RNF168: variants seen among roughly 807,000 people sequenced by gnomAD.
RNF168 encodes the protein ring finger protein 168.
A neutral mutation model predicts 34.9 loss-of-function variants in RNF168; 34 were observed. The ratio of observed to expected loss-of-function variants is 0.97; its 90% CI spans 0.74 to 1.30. The LOEUF (loss-of-function observed/expected upper bound fraction) is 1.30. Ranked by LOEUF, RNF168 falls within the 50% of genes most tolerant of loss-of-function variation. The probability of loss-of-function intolerance (pLI) is 0.00; values close to 1 mark genes in which losing one functional copy is unlikely to be tolerated. For synonymous variants in RNF168, 264 were observed against 254.7 expected, an observed-to-expected ratio of 1.04 and a Z score of -0.35; for missense variants, 725 against 682.5, an observed-to-expected ratio of 1.06 and a Z score of -0.69.
intron 1 of RNF168, among the ~76,000 whole-genome samples, chr3:196,501,360 T>C (rs548726732): frequency 1.1e-4 from 17 of 152,244 alleles, no homozygotes; most frequent in Admixed American, 4.6e-4. Context: ...ATGTAACAAG[T>C]ATATCCGTAA....
At chr3:196,496,213 G>C (rs760297219) in intron 1 of RNF168, among the ~76,000 whole-genome samples, 7 of 152,112 alleles carry the variant, frequency 4.6e-5, no homozygotes, top group Non-Finnish European at 1.0e-4. Context: ...CACAAATTGC[G>C]TGACTTGAAA....
Position 196,471,912 on chromosome 3 carries a change from T to C in RNF168, c.1623A>G (p.Arg541=). The C allele has an allele frequency of 6.2e-7, 1 of 1,613,876 alleles. No homozygotes were observed. The highest frequency in any genetic ancestry group is 1.1e-5 in the South Asian group (1 of 91,084). The change falls in exon 6 of 6, where the codon AGA becomes AGG. Residue 541 remains arginine, a synonymous_variant. Coordinates refer to ENST00000318037, the MANE Select transcript of RNF168 (RefSeq NM_152617.4). ...VNRRKMPNST[R]DHCKVSKSAH... ...CACTTTTGGATACCTTACAGTGATCTCTAGTAGAATTTGGCATCTTTCTTC... is the reference window on the plus strand; with the variant it reads ...CACTTTTGGATACCTTACAGTGATCCCTAGTAGAATTTGGCATCTTTCTTC...
At chr3:196,487,659 T>C in intron 2 of RNF168, 81 bp from the exon 3 acceptor site, 4 of 1,338,706 alleles carry the variant, frequency 3.0e-6, no homozygotes, top group South Asian at 2.4e-5. Flanking sequence ...AATAGAAAAG[T>C]AGAAAAAGAA....
chr3:196,492,060 T>C lies in RNF168; in HGVS notation c.302-3377A>G, dbSNP rs1165987851. Reference sequence around the variant, plus strand: ...GAGAAAGTTCAGAGATGAATGGTGGTGACGGCTGCACAAAAACATGAATGT... The same window carrying C: ...GAGAAAGTTCAGAGATGAATGGTGGCGACGGCTGCACAAAAACATGAATGT... On this transcript the variant is annotated intron_variant, in intron 1 of 5. Coordinates refer to ENST00000318037, the MANE Select transcript of RNF168 (RefSeq NM_152617.4). Among the ~76,000 whole-genome samples, 6 of 152,232 alleles carry C rather than the reference T, an allele frequency of 3.9e-5. No homozygotes were observed. The East Asian group carries it at 1.2e-3, about 29-fold the overall frequency.
chr3:196,475,276 T>G lies in RNF168; in HGVS notation c.717A>C (p.Ser239=). 1 of 1,611,908 alleles carries G rather than the reference T, an allele frequency of 6.2e-7. No individual in the cohort carries two copies. The highest frequency in any genetic ancestry group is 8.5e-7 in the Non-Finnish European group (1 of 1,177,984). Residue 239 remains serine (S), a synonymous_variant, in exon 5 of 6, where the codon TCA becomes TCC. Coordinates refer to ENST00000318037, the MANE Select transcript of RNF168 (RefSeq NM_152617.4). ...TGACTTCTTGTACAGCTTCAGAGTG[T>G]GAGGCTGACCCAAACTGAGATTTCG... ...LTPKSQFGSA[S]HSEAVQEVRK...
In RNF168 at chr3:196,471,612, A is replaced by T; in HGVS notation, c.*207T>A. 1.7e-6 allele frequency: 1 copy of T among 571,746 alleles called. No homozygotes were observed. Among genetic ancestry groups the T allele is most frequent in the Non-Finnish European group, 3.1e-6 (1 of 319,372 alleles). The allele number at this position is 571,746 out of a possible 1,614,324, so 35.4% of individuals were successfully genotyped here. A position where few individuals can be genotyped will look rare whatever the true frequency, so the allele number is the denominator to read the frequency against. On this transcript the variant is annotated 3_prime_UTR_variant, in exon 6 of 6. Coordinates refer to ENST00000318037, the MANE Select transcript of RNF168 (RefSeq NM_152617.4). ...GCTTAATACACATCTGTTATTAAGA[A>T]GGGAAACGACAGGGGACCCCTGCTT...
intron 1 of RNF168, among the ~76,000 whole-genome samples, chr3:196,490,256 T>C (rs55857797): frequency 0.1 from 15,386 of 152,098 alleles, 2,507 homozygotes; most frequent in African/African-American, 0.34. Flanking sequence ...TGTGGGTATG[T>C]ATCCTCAACA....
chr3:196,472,351 A>G lies in RNF168; in HGVS notation c.1184T>C (p.Phe395Ser). 6 of 1,614,060 alleles carry G rather than the reference A, an allele frequency of 3.7e-6. No homozygotes were observed. The highest frequency in any genetic ancestry group is 5.1e-6 in the Non-Finnish European group (6 of 1,179,972). Residue 395 changes from phenylalanine (F) to serine (S), a missense_variant, in exon 6 of 6, where the codon TTT becomes TCT. Phe to Ser is a radical substitution (Grantham distance 155, BLOSUM62 -2). Transcript: ENST00000318037. ...AAAGCATGGATCCTTGACTGCTTCA[A>G]AGGAAGATTCTTGGTTTTTTCTTTT... is the stretch of plus-strand genomic sequence containing the variant. ...ISKRKNQESS[F>S]EAVKDPCFSA...
intron 4 of RNF168, among the ~76,000 whole-genome samples, chr3:196,478,646 C>G (rs1001322521): frequency 1.3e-5 from 2 of 151,856 alleles, no homozygotes; most frequent in Non-Finnish European, 2.9e-5. Flanking sequence ...AATACACACT[C>G]TTTTTGATTT....
rs1409738578 is a variant in RNF168 at position 196,483,984 on chromosome 3, T to C, written c.559-93A>G. 4 of 962,058 alleles carry C rather than the reference T, an allele frequency of 4.2e-6. No homozygotes were observed. In the Admixed American group the frequency reaches 5.4e-5, roughly 13 times the overall value. The allele number at this position is 962,058 out of a possible 1,614,324, so 59.6% of individuals were successfully genotyped here. On this transcript the variant is annotated intron_variant, in intron 3 of 5. Transcript: ENST00000318037. ...TTGACTAATTCAGAAATCCATAGCATTTTTCAGAAATTATAGTTATATTTA... is the reference window on the plus strand; with the variant it reads ...TTGACTAATTCAGAAATCCATAGCACTTTTCAGAAATTATAGTTATATTTA...
In RNF168 at chr3:196,469,424, G is replaced by A. The variant is rs1340980148; in HGVS notation, c.*2395C>T. 1 of 151,984 alleles carries A rather than the reference G, an allele frequency of 6.6e-6. No individual in the cohort carries two copies. The highest frequency in any genetic ancestry group is 2.4e-5 in the African/African-American group (1 of 41,374). The allele number at this position is 151,984 out of a possible 1,614,324, so 9.4% of individuals were successfully genotyped here. A position where few individuals can be genotyped will look rare whatever the true frequency, so the allele number is the denominator to read the frequency against. On this transcript the variant is annotated 3_prime_UTR_variant, in exon 6 of 6. Transcript: ENST00000318037. The stretch of plus-strand genomic sequence containing the variant: ...TCAGCATTGACATAGATGCCATCAG[G>A]TATGCAAAGATTAACAAAATTCTAT...
intron 1 of RNF168, among the ~76,000 whole-genome samples, chr3:196,500,745 T>C (rs1313766097): frequency 6.6e-6 from 1 of 152,114 alleles, no homozygotes; most frequent in Non-Finnish European, 1.5e-5. Context: ...GGAGTCTCGC[T>C]CTGTCTCCCA....
intron 1 of RNF168, among the ~76,000 whole-genome samples, chr3:196,489,365 C>T (rs1423897218): frequency 3.4e-5 from 5 of 148,824 alleles, no homozygotes; most frequent in Admixed American, 6.7e-5. Flanking sequence ...CTTGCTCTGT[C>T]ACCCAGGCTG....
In RNF168 at chr3:196,471,932, T is replaced by A. The variant is rs1732016844; in HGVS notation, c.1603A>T (p.Lys535Ter). 1 of 1,613,960 alleles carries A rather than the reference T, an allele frequency of 6.2e-7. No individual in the cohort carries two copies. The highest frequency in any genetic ancestry group is 1.1e-5 in the South Asian group (1 of 91,084). The change falls in exon 6 of 6, where the codon AAG becomes TAG. Residue 535 changes from lysine (K) to a stop codon, truncating the protein, a stop_gained. Transcript: ENST00000318037. LOFTEE classifies it high-confidence loss of function. ...MQLKQSVNRR[K>*]MPNSTRDHCK... ...TGATCTCTAGTAGAATTTGGCATCTTTCTTCTATTAACTGACTGCTTCAAC... is the reference window on the plus strand; with the variant it reads ...TGATCTCTAGTAGAATTTGGCATCTATCTTCTATTAACTGACTGCTTCAAC...
Position 196,503,589 on chromosome 3 carries a change from G to A in RNF168, c.-416C>T, listed in dbSNP as rs1732960666. On this transcript the variant is annotated 5_prime_UTR_variant, in exon 1 of 6. Coordinates refer to ENST00000318037, the MANE Select transcript of RNF168 (RefSeq NM_152617.4). ...CGGGCCCCGGGACGCGGCTCCGGGA[G>A]GAAGCCCGGGCTCCGGCTGCAGCAT... The A allele has an allele frequency of 4.2e-6, 1 of 240,888 alleles. No individual in the cohort carries two copies. The highest frequency in any genetic ancestry group is 4.3e-5 in the South Asian group (1 of 22,998). 14.9% of individuals were successfully genotyped at this position (240,888 alleles called of 1,614,324 possible).
chr3:196,494,337 G>T (rs1732685457), intron 1 of RNF168, among the ~76,000 whole-genome samples: 1 of 152,140 alleles, frequency 6.6e-6, no homozygotes, highest in Admixed American at 6.5e-5. Context: ...TCGATATTTT[G>T]CTTCTTCGCA....
chr3:196,494,205 ATAGTCT>A (rs888545595), intron 1 of RNF168, among the ~76,000 whole-genome samples: 2 of 152,160 alleles, frequency 1.3e-5, no homozygotes, highest in African/African-American at 4.8e-5. Flanking sequence ...TCTCAGTTTT[ATAGTCT>A]TAAAGTGACT....
intron 4 of RNF168, among the ~76,000 whole-genome samples, chr3:196,479,891 T>C (rs141544782): frequency 0.016 from 2,460 of 152,268 alleles, 66 homozygotes; most frequent in African/African-American, 0.056. Flanking sequence ...TGCGCCCGGC[T>C]TGTGATTTGC....
intron 4 of RNF168, among the ~76,000 whole-genome samples, chr3:196,480,802 C>A (rs1382803472): frequency 1.3e-5 from 2 of 151,968 alleles, no homozygotes; most frequent in Non-Finnish European, 2.9e-5. Context: ...ATCATCATGC[C>A]TGGTTAATTT....
Sources: gnomAD v4.1 joint callset for allele counts (sites outside exome capture counted in the v4.1 genomes callset) on GRCh38, gnomAD v4.1.1 for gene constraint, MANE v1.5 for transcripts, NCBI Gene and HGNC (gene_info 2026-07-23, HGNC 2026-07-21) for gene names.